The following CMIP variants were observed in gnomAD, a reference collection of about 807,000 sequenced individuals.
The protein encoded by CMIP is C-Maf-inducing protein.
Under a neutral mutation model 97.3 loss-of-function variants are expected in CMIP, and 13 were observed. The ratio of observed to expected loss-of-function variants is 0.13; its 90% CI spans 0.09 to 0.21. The LOEUF is 0.21. Among genes scored for constraint, CMIP ranks in the 10% least tolerant of loss-of-function variants. The probability of loss-of-function intolerance (pLI) is 1.00; values close to 1 mark genes in which losing one functional copy is unlikely to be tolerated. For synonymous variants in CMIP, 538 were observed against 436.3 expected (o/e 1.23, Z -2.91); for missense variants, 847 against 1,024.9 (o/e 0.83, Z 2.37).
intron 1 of CMIP, among the ~76,000 whole-genome samples, chr16:81,548,375 C>T (rs55851634): frequency 0.04 from 6,032 of 152,128 alleles, 143 homozygotes; most frequent in South Asian, 0.065. Flanking sequence ...CTGAAGCGGT[C>T]CTCTTGTCTC....
intron 1 of CMIP, among the ~76,000 whole-genome samples, chr16:81,501,600 C>T (rs2089613595): frequency 6.7e-6 from 1 of 150,202 alleles, no homozygotes; most frequent in African/African-American, 2.4e-5. Context: ...TTAGGTTTGA[C>T]TCTGGTTCTT....
intron 1 of CMIP, among the ~76,000 whole-genome samples, chr16:81,562,858 A>G (rs1299192905): frequency 6.6e-6 from 1 of 152,236 alleles, no homozygotes. Context: ...ACAGCAGCCA[A>G]GTAGGAGAGG....
intron 1 of CMIP, among the ~76,000 whole-genome samples, chr16:81,549,022 C>T (rs1013452797): frequency 6.6e-6 from 1 of 152,232 alleles, no homozygotes; most frequent in African/African-American, 2.4e-5. Flanking sequence ...CCAGGTCTGT[C>T]TGCATGGGCC....
intron 10 of CMIP, among the ~76,000 whole-genome samples, chr16:81,687,964 C>G (rs949786846): frequency 6.6e-6 from 1 of 152,240 alleles, no homozygotes; most frequent in African/African-American, 2.4e-5. Context: ...ACAGGGTCCT[C>G]TGGGTAGATC....
At chr16:81,509,891 C>T (rs1459013038) in intron 1 of CMIP, among the ~76,000 whole-genome samples, 1 of 152,160 alleles carries the variant, frequency 6.6e-6, no homozygotes, top group Non-Finnish European at 1.5e-5. Context: ...TGTGATGGAT[C>T]TGATGCAGTG....
intron 13 of CMIP, among the ~76,000 whole-genome samples, chr16:81,694,177 A>G (rs1906434046): frequency 6.6e-6 from 1 of 152,130 alleles, no homozygotes; most frequent in South Asian, 2.1e-4. Context: ...CTGGTCCACG[A>G]CTGAGGCAAG....
In CMIP at chr16:81,704,036, A is replaced by G; in HGVS notation, c.2042A>G (p.His681Arg). Residue 681 changes from histidine to arginine, a missense_variant, in exon 18 of 21, where the codon CAC (histidine) becomes CGC (arginine). Coordinates refer to ENST00000537098, the MANE Select transcript of CMIP (RefSeq NM_198390.3). ...AATGTAACCAGTGCCTGCGCCGAGC[A>G]CCTCATCAAACTGCCTTCGCTCAAG... ...FTNVTSACAE[H>R]LIKLPSLKQL... The G allele has an allele frequency of 6.2e-7, 1 of 1,605,578 alleles. No homozygotes were observed. The highest frequency in any genetic ancestry group is 8.5e-7 in the Non-Finnish European group (1 of 1,176,758).
chr16:81,578,603 G>C (rs1026789116), intron 1 of CMIP, among the ~76,000 whole-genome samples: 7 of 152,300 alleles, frequency 4.6e-5, no homozygotes, highest in African/African-American at 1.7e-4. Flanking sequence ...GGTCCCTTCA[G>C]TCCATAAAGT....
At chr16:81,475,000 A>C (rs1487376195) in intron 1 of CMIP, among the ~76,000 whole-genome samples, 1 of 152,212 alleles carries the variant, frequency 6.6e-6, no homozygotes, top group Non-Finnish European at 1.5e-5. Flanking sequence ...AGCCTTCAGC[A>C]ACATGGAGTT....
intron 1 of CMIP, among the ~76,000 whole-genome samples, chr16:81,473,183 G>T (rs1907663965): frequency 6.6e-6 from 1 of 152,272 alleles, no homozygotes; most frequent in Non-Finnish European, 1.5e-5. Flanking sequence ...CCGCCTGCAA[G>T]TGCTTATGTC....
At chr16:81,642,666 G>A (rs1299975175) in intron 3 of CMIP, among the ~76,000 whole-genome samples, 4 of 152,136 alleles carry the variant, frequency 2.6e-5, no homozygotes, top group African/African-American at 4.8e-5. Flanking sequence ...TCTGCCGGGC[G>A]CGGTGGCTCT....
In CMIP at chr16:81,678,428, C is replaced by G. The variant is rs375506984; in HGVS notation, c.1188C>G (p.Val396=). 1.6e-4 allele frequency: 254 copies of G among 1,592,188 alleles called. 1 individual carries two copies. The highest frequency in any genetic ancestry group is 3.0e-4 in the Admixed American group (17 of 56,680). The change falls in exon 10 of 21, where the codon GTC becomes GTG. Residue 396 remains valine, a synonymous_variant. Transcript: ENST00000537098. ...CTGAGGCCCGGCTCAAGTCGGTGGT[C>G]GTGGCCTCCAGTGAGATCCACGTGG... ...TLSEARLKSV[V]VASSEIHVEV...
intron 9 of CMIP, among the ~76,000 whole-genome samples, chr16:81,674,689 G>A (rs1490417271): frequency 4.6e-5 from 7 of 152,104 alleles, no homozygotes; most frequent in African/African-American, 1.2e-4. Context: ...GGGTTCAAGC[G>A]ATTCTCCTGC....
intron 10 of CMIP, among the ~76,000 whole-genome samples, chr16:81,687,027 C>T (rs1376578956): frequency 6.6e-6 from 1 of 152,170 alleles, no homozygotes; most frequent in East Asian, 1.9e-4. Context: ...CACCTCCTGC[C>T]CCAGTGCAAG....
intron 1 of CMIP, among the ~76,000 whole-genome samples, chr16:81,581,883 C>T (rs1042602840): frequency 3.3e-5 from 5 of 152,122 alleles, no homozygotes; most frequent in African/African-American, 7.2e-5. Context: ...CAGTTCTTAC[C>T]TTGCTCTAAA....
At chr16:81,451,911 A>G (rs1479287353) in intron 1 of CMIP, among the ~76,000 whole-genome samples, 4 of 152,226 alleles carry the variant, frequency 2.6e-5, no homozygotes, top group African/African-American at 9.6e-5. Flanking sequence ...GTGATGAACC[A>G]CCCAGTGTAT....
chr16:81,587,481 C>T (rs954699011), intron 1 of CMIP, among the ~76,000 whole-genome samples: 1 of 152,216 alleles, frequency 6.6e-6, no homozygotes. Flanking sequence ...ACCACAAAGT[C>T]CTTGCTTCCC....
intron 6 of CMIP, among the ~76,000 whole-genome samples, chr16:81,662,824 C>G (rs371006526): frequency 6.6e-6 from 1 of 152,194 alleles, no homozygotes; most frequent in African/African-American, 2.4e-5. Context: ...GGTCTGCAGA[C>G]TGCCACCCGA....
chr16:81,499,397 C>T (rs2089554200), intron 1 of CMIP, among the ~76,000 whole-genome samples: 1 of 152,238 alleles, frequency 6.6e-6, no homozygotes, highest in Admixed American at 6.5e-5. Flanking sequence ...CTCCAGCTCC[C>T]TTTCAGAGTC....
Sources: allele counts gnomAD v4.1 joint callset (sites outside exome capture counted in the v4.1 genomes callset), GRCh38; gene constraint gnomAD v4.1.1; transcripts MANE v1.5; gene names NCBI Gene and HGNC (gene_info 2026-07-23, HGNC 2026-07-21).